LRP1B: variants seen among roughly 807,000 people sequenced by gnomAD.
The protein encoded by LRP1B is LDL receptor related protein 1B, also known as low-density lipoprotein receptor-related protein 1B.
In LRP1B, 217 loss-of-function variants were observed where a neutral mutation model predicts 556.6. The ratio of observed to expected loss-of-function variants is 0.39; its 90% CI spans 0.35 to 0.44. The LOEUF is 0.44. LRP1B is among the 20% of genes least tolerant of loss of function. The pLI is 1.00. For synonymous variants in LRP1B, 2,047 were observed against 1,865.8 expected (o/e 1.10, Z -2.50); for missense variants, 5,053 against 5,620.8 (o/e 0.90, Z 3.23).
At chr2:141,243,844 G>T (rs868405325) in intron 5 of LRP1B, among the ~76,000 whole-genome samples, 2 of 152,184 alleles carry the variant, frequency 1.3e-5, no homozygotes, top group Middle Eastern at 3.4e-3. Flanking sequence ...GAATGAAAAG[G>T]CCTCCTGTCT....
chr2:141,398,171 A>C (rs1185181215), intron 3 of LRP1B, among the ~76,000 whole-genome samples: 1 of 152,202 alleles, frequency 6.6e-6, no homozygotes, highest in African/African-American at 2.4e-5. Flanking sequence ...GTATAATCTT[A>C]AGAGTGACAA....
chr2:141,564,137 G>A (rs532292290), intron 2 of LRP1B, among the ~76,000 whole-genome samples: 98 of 152,096 alleles, frequency 6.4e-4, no homozygotes, highest in Non-Finnish European at 9.4e-4. Flanking sequence ...GATTTTGTTT[G>A]AGAAATGAAG....
chr2:140,618,015 T>A (rs1177633401), intron 41 of LRP1B, among the ~76,000 whole-genome samples: 1 of 152,032 alleles, frequency 6.6e-6, no homozygotes, highest in Non-Finnish European at 1.5e-5. Context: ...ATTTCTTGTT[T>A]ATTTGAATTT....
intron 2 of LRP1B, among the ~76,000 whole-genome samples, chr2:141,750,488 T>G (rs1694069179): frequency 6.6e-6 from 1 of 152,156 alleles, no homozygotes; most frequent in Non-Finnish European, 1.5e-5. Context: ...CATCTCTTCT[T>G]GTCCTTGGAC....
chr2:141,838,468 T>A (rs919874817), intron 1 of LRP1B, among the ~76,000 whole-genome samples: 4 of 152,194 alleles, frequency 2.6e-5, no homozygotes, highest in African/African-American at 9.6e-5. Flanking sequence ...TGAACTATGA[T>A]AACTAGGATT....
chr2:140,520,119 G>C (rs1249604714), intron 49 of LRP1B, among the ~76,000 whole-genome samples: 1 of 152,100 alleles, frequency 6.6e-6, no homozygotes, highest in Non-Finnish European at 1.5e-5. Context: ...TATACCCAAA[G>C]GATTATAAAT....
At chr2:140,839,360 C>G (rs11686935) in intron 31 of LRP1B, among the ~76,000 whole-genome samples, 128,763 of 152,168 alleles carry the variant, frequency 0.85, 55,127 homozygotes, top group East Asian at 0.99. Context: ...TATTGTTCCT[C>G]GGTGTGTCTG....
intron 1 of LRP1B, among the ~76,000 whole-genome samples, chr2:142,018,637 C>T (rs564065422): frequency 2.6e-5 from 4 of 152,174 alleles, no homozygotes; most frequent in African/African-American, 9.6e-5. Flanking sequence ...ATAATCCTGA[C>T]ATAAAAAATT....
chr2:141,619,222 G>A (rs1688416589), intron 2 of LRP1B, among the ~76,000 whole-genome samples: 1 of 152,116 alleles, frequency 6.6e-6, no homozygotes, highest in Non-Finnish European at 1.5e-5. Context: ...TCTTGAGTAG[G>A]CATTATTTGC....
chr2:140,669,381 G>T (rs2105355162), intron 41 of LRP1B, among the ~76,000 whole-genome samples: 1 of 152,232 alleles, frequency 6.6e-6, no homozygotes, highest in South Asian at 2.1e-4. Context: ...ATTAGGATGG[G>T]TTAATAGCAA....
intron 1 of LRP1B, among the ~76,000 whole-genome samples, chr2:141,974,241 C>T (rs1701821396): frequency 2.0e-5 from 3 of 151,958 alleles, no homozygotes; most frequent in Admixed American, 2.0e-4. Flanking sequence ...TACAAATCAT[C>T]CACCATGTCT....
intron 77 of LRP1B, among the ~76,000 whole-genome samples, chr2:140,336,431 A>C (rs185686351): frequency 6.7e-6 from 1 of 148,204 alleles, no homozygotes; most frequent in African/African-American, 2.5e-5. Context: ...TTCTTTGGGT[A>C]TTTACCAAGG....
chr2:141,794,683 CT>C (rs995367991), intron 2 of LRP1B, among the ~76,000 whole-genome samples: 1 of 151,844 alleles, frequency 6.6e-6, no homozygotes, highest in Non-Finnish European at 1.5e-5. Flanking sequence ...ACATAACAGA[CT>C]TTTTTTACAC....
Position 140,284,962 on chromosome 2 carries a change from C to A in LRP1B, c.12968-10364G>T, listed in dbSNP as rs1683076090. On this transcript the variant is annotated intron_variant, in intron 84 of 90. Coordinates refer to ENST00000389484, the MANE Select transcript of LRP1B (RefSeq NM_018557.3). ...TATATAACTCTGTATAACTAGATAT[C>A]TATCTCTATATGTACCTAGATGTTC... Among the ~76,000 whole-genome samples the A allele has an allele frequency of 4.7e-5, 7 of 149,886 alleles. 1 individual carries two copies. The South Asian group carries it at 1.5e-3, about 32-fold the overall frequency.
chr2:140,338,268 CAAG>C (rs1378715802), intron 77 of LRP1B, among the ~76,000 whole-genome samples: 1 of 151,612 alleles, frequency 6.6e-6, no homozygotes, highest in African/African-American at 2.4e-5. Context: ...TCATAAATGA[CAAG>C]ATGATTCTCA....
At chr2:141,753,965 C>G (rs1446130234) in intron 2 of LRP1B, among the ~76,000 whole-genome samples, 1 of 151,980 alleles carries the variant, frequency 6.6e-6, no homozygotes, top group Non-Finnish European at 1.5e-5. Context: ...CTGATATTTG[C>G]CAAATGGAAG....
At chr2:140,405,823 A>G (rs1171174547) in intron 66 of LRP1B, among the ~76,000 whole-genome samples, 1 of 152,172 alleles carries the variant, frequency 6.6e-6, no homozygotes, top group Non-Finnish European at 1.5e-5. Flanking sequence ...TGAGAAAGAT[A>G]GAATCCTTCC....
intron 55 of LRP1B, among the ~76,000 whole-genome samples, chr2:140,498,366 T>C (rs1689038653): frequency 6.6e-6 from 1 of 151,912 alleles, no homozygotes; most frequent in South Asian, 2.1e-4. Flanking sequence ...TTCTACTGTA[T>C]ACATCATCAC....
intron 1 of LRP1B, among the ~76,000 whole-genome samples, chr2:141,924,496 T>C (rs1574497068): frequency 2.0e-5 from 3 of 152,126 alleles, no homozygotes; most frequent in East Asian, 3.9e-4. Context: ...CCTCTGCCCA[T>C]GTGAAAAGGC....
Sources: allele counts gnomAD v4.1 joint callset (sites outside exome capture counted in the v4.1 genomes callset), GRCh38; gene constraint gnomAD v4.1.1; transcripts MANE v1.5; gene names NCBI Gene and HGNC (gene_info 2026-07-23, HGNC 2026-07-21).